The following ADK variants were observed in gnomAD, a reference collection of about 807,000 sequenced individuals.
The protein encoded by ADK is adenosine kinase.
A neutral mutation model predicts 44.7 loss-of-function variants in ADK; 24 were observed. That is an observed-to-expected ratio of 0.54 (90% CI 0.39 to 0.76). ADK has a LOEUF of 0.76. ADK is among the 30% of genes least tolerant of loss of function. The pLI, the probability that ADK is intolerant of heterozygous loss-of-function variation, is 0.00. For missense variants in ADK, 321 were observed against 425.1 expected (o/e 0.76, Z 2.15); for synonymous variants, 128 against 142.6 (o/e 0.90, Z 0.73).
chr10:74,216,952 G>A (rs758227647), intron 2 of ADK, among the ~76,000 whole-genome samples: 2 of 152,186 alleles, frequency 1.3e-5, no homozygotes, highest in South Asian at 2.1e-4. Flanking sequence ...GCAGAAGACG[G>A]GTGATTTCTG....
At chr10:74,307,453 C>T (rs773435514) in intron 3 of ADK, among the ~76,000 whole-genome samples, 1 of 152,106 alleles carries the variant, frequency 6.6e-6, no homozygotes, top group Non-Finnish European at 1.5e-5. Flanking sequence ...CTCACCTCTC[C>T]GGAAATTTAT....
At chr10:74,176,688 C>T in intron 1 of ADK, 1 of 1,448,226 alleles carries the variant, frequency 6.9e-7, no homozygotes, top group South Asian at 1.4e-5. Context: ...GGAGCGCCCG[C>T]CTTCCCTCCA....
At chr10:74,583,068 A>G (rs905213304) in intron 7 of ADK, among the ~76,000 whole-genome samples, 1 of 152,230 alleles carries the variant, frequency 6.6e-6, no homozygotes, top group Non-Finnish European at 1.5e-5. Context: ...ATCATAAGAA[A>G]GTATATAAAT....
intron 6 of ADK, among the ~76,000 whole-genome samples, chr10:74,435,203 A>G (rs1456451508): frequency 6.6e-6 from 1 of 152,374 alleles, no homozygotes. Flanking sequence ...TGGAAGAGTG[A>G]TAACTGCTAG....
intron 7 of ADK, among the ~76,000 whole-genome samples, chr10:74,571,973 T>A (rs936998546): frequency 2.2e-4 from 33 of 152,204 alleles, no homozygotes; most frequent in Non-Finnish European, 7.3e-5. Context: ...CCAGTCGGTG[T>A]CTTTTAATTG....
chr10:74,470,245 G>A (rs1259607184), intron 6 of ADK, among the ~76,000 whole-genome samples: 1 of 151,804 alleles, frequency 6.6e-6, no homozygotes, highest in Non-Finnish European at 1.5e-5. Flanking sequence ...GGCTGGTCTC[G>A]AACTCCTGAC....
intron 6 of ADK, among the ~76,000 whole-genome samples, chr10:74,405,949 C>T (rs546762891): frequency 6.6e-6 from 1 of 152,112 alleles, no homozygotes; most frequent in East Asian, 1.9e-4. Context: ...CCAGGTTTCT[C>T]TGTAAATCTT....
intron 9 of ADK, among the ~76,000 whole-genome samples, chr10:74,635,477 G>A (rs1853593569): frequency 6.6e-6 from 1 of 152,128 alleles, no homozygotes; most frequent in Non-Finnish European, 1.5e-5. Context: ...CAGGCCTCAA[G>A]TTACTTTTGA....
Position 74,598,573 on chromosome 10 carries a change from C to T in ADK, c.763-1806C>T, listed in dbSNP as rs375037542. Among the ~76,000 whole-genome samples, 18 of 151,292 alleles carry T rather than the reference C, an allele frequency of 1.2e-4. No individual in the cohort carries two copies. The East Asian group carries it at 3.1e-3, about 26-fold the overall frequency. On this transcript the variant is annotated intron_variant, in intron 8 of 10. Coordinates refer to ENST00000539909, the MANE Select transcript of ADK (RefSeq NM_006721.4). The stretch of plus-strand genomic sequence containing the variant: ...CAAGCGATTCTCCTGCCTCAGCCCT[C>T]CCAAGTAGCTAGGACTACAGACACG...
At chr10:74,195,890 T>A (rs1843127819) in intron 1 of ADK, among the ~76,000 whole-genome samples, 1 of 151,862 alleles carries the variant, frequency 6.6e-6, no homozygotes, top group Admixed American at 6.6e-5. Context: ...TTGCCCAGGC[T>A]GGTCTTGAAC....
chr10:74,448,619 C>T (rs1401727776), intron 6 of ADK, among the ~76,000 whole-genome samples: 1 of 152,066 alleles, frequency 6.6e-6, no homozygotes, highest in African/African-American at 2.4e-5. Context: ...TGACACTCCT[C>T]AATGCTTAAT....
At position 74,475,735 on chromosome 10, in the gene ADK, C is replaced by T. The variant is rs192873262; in HGVS notation, c.556-49521C>T. 1.7e-3 allele frequency among the ~76,000 whole-genome samples: 225 copies of T among 134,640 alleles called. No homozygotes were observed. In the Middle Eastern group the frequency reaches 0.02, roughly 12 times the overall value. 88.3% of individuals were successfully genotyped at this position (134,640 alleles called of 152,430 possible). A position where few individuals can be genotyped will look rare whatever the true frequency, so the allele number is the denominator to read the frequency against. ...CAGAGAAAGAGAGAGAAAGAGAGAG[C>T]GAAGAGAGAAAGAGAGAAATAAAAG... On this transcript the variant is annotated intron_variant, in intron 6 of 10. Coordinates refer to ENST00000539909, the MANE Select transcript of ADK (RefSeq NM_006721.4).
chr10:74,621,755 T>A (rs965288113), intron 9 of ADK, among the ~76,000 whole-genome samples: 4 of 152,206 alleles, frequency 2.6e-5, no homozygotes, highest in African/African-American at 4.8e-5. Flanking sequence ...TTATCAAATG[T>A]TAAACATTGT....
At chr10:74,615,218 G>T (rs891549970) in intron 9 of ADK, among the ~76,000 whole-genome samples, 1 of 152,066 alleles carries the variant, frequency 6.6e-6, no homozygotes, top group East Asian at 1.9e-4. Flanking sequence ...GCCCAATAGT[G>T]TCCAGTCAAT....
rs562108556 is a variant in ADK, at chr10:74,607,741, G to C, written c.877+7248G>C. 1.5e-3 allele frequency among the ~76,000 whole-genome samples: 224 copies of C among 152,190 alleles called. 1 individual carries two copies. The highest frequency in any genetic ancestry group is 5.1e-3 in the African/African-American group (212 of 41,538). ...TGCTCTTCTCAAGGAGTATCTTTGT[G>C]GTGTTCTCTGTATTTCCTGAATTTG... On this transcript the variant is annotated intron_variant, in intron 9 of 10. Transcript: ENST00000539909.
At chr10:74,224,137 G>A (rs1189427092) in intron 2 of ADK, among the ~76,000 whole-genome samples, 3 of 152,048 alleles carry the variant, frequency 2.0e-5, no homozygotes, top group Admixed American at 2.0e-4. Context: ...TTTCCCTCCT[G>A]TGTCATGCTA....
intron 6 of ADK, among the ~76,000 whole-genome samples, chr10:74,455,532 A>G (rs899887661): frequency 2.0e-5 from 3 of 151,118 alleles, no homozygotes; most frequent in African/African-American, 7.3e-5. Flanking sequence ...TTTTTTTGAG[A>G]CAGAGTCTCA....
intron 6 of ADK, among the ~76,000 whole-genome samples, chr10:74,478,210 A>G (rs911351931): frequency 2.6e-5 from 4 of 152,150 alleles, no homozygotes; most frequent in Non-Finnish European, 5.9e-5. Context: ...TACCCAGCCT[A>G]TCTTAGAACT....
chr10:74,188,751 T>C (rs1354308499), intron 1 of ADK, among the ~76,000 whole-genome samples: 3 of 152,034 alleles, frequency 2.0e-5, no homozygotes, highest in Non-Finnish European at 4.4e-5. Flanking sequence ...TGTTTTCTAA[T>C]GTGCATTTCA....
Sources: gnomAD v4.1 joint callset for allele counts (sites outside exome capture counted in the v4.1 genomes callset) on GRCh38, gnomAD v4.1.1 for gene constraint, MANE v1.5 for transcripts, NCBI Gene and HGNC (gene_info 2026-07-23, HGNC 2026-07-21) for gene names.